The following DOCK5 variants were observed in gnomAD, a reference collection of about 807,000 sequenced individuals.
DOCK5 encodes the protein dedicator of cytokinesis 5, also known as dedicator of cytokinesis protein 5.
DOCK5 carries 142 observed loss-of-function variants against 251.8 expected under a neutral mutation model. The ratio of observed to expected loss-of-function variants is 0.56; its 90% CI spans 0.49 to 0.65. The LOEUF (loss-of-function observed/expected upper bound fraction) is 0.65. DOCK5 is among the 30% of genes least tolerant of loss of function. DOCK5 has a pLI of 0.00. For synonymous variants in DOCK5, 842 were observed against 835.5 expected (o/e 1.01, Z -0.13); for missense variants, 2,111 against 2,312.3 (o/e 0.91, Z 1.79).
chr8:25,388,927 G>A, intron 40 of DOCK5, 164 bp from the exon 41 acceptor site: 1 of 630,678 alleles, frequency 1.6e-6, no homozygotes, highest in East Asian at 2.8e-5. Context: ...GCTCTTGTAG[G>A]ATATGATGGT....
intron 1 of DOCK5, among the ~76,000 whole-genome samples, chr8:25,223,051 C>T (rs561269125): frequency 1.6e-4 from 24 of 152,182 alleles, no homozygotes; most frequent in African/African-American, 5.8e-4. Context: ...CAGTGGCTTA[C>T]CTAGGAGCCA....
At chr8:25,318,695 G>T (rs1224074360) in intron 14 of DOCK5, among the ~76,000 whole-genome samples, 1 of 147,920 alleles carries the variant, frequency 6.8e-6, no homozygotes, top group African/African-American at 2.5e-5. Context: ...CATCAAAGAG[G>T]ATAGGCAGGA....
intron 40 of DOCK5, among the ~76,000 whole-genome samples, chr8:25,387,921 A>C (rs1801192476): frequency 6.6e-6 from 1 of 152,162 alleles, no homozygotes; most frequent in Non-Finnish European, 1.5e-5. Context: ...CGTCTGCATC[A>C]TACAACTAGC....
chr8:25,203,032 C>T (rs1586225218), intron 1 of DOCK5, among the ~76,000 whole-genome samples: 3 of 152,186 alleles, frequency 2.0e-5, no homozygotes. Flanking sequence ...TGGCTGCTTT[C>T]CTTTTCTTTA....
At chr8:25,260,424 C>T (rs770428343) in intron 2 of DOCK5, among the ~76,000 whole-genome samples, 3 of 147,878 alleles carry the variant, frequency 2.0e-5, no homozygotes, top group Admixed American at 6.9e-5. Flanking sequence ...TATGTGTGTA[C>T]GTGGGGTAAA....
intron 18 of DOCK5, 135 bp downstream of exon 18, chr8:25,325,682 T>C (rs1459287246): frequency 3.8e-6 from 4 of 1,040,214 alleles, no homozygotes; most frequent in Admixed American, 5.9e-5. Context: ...GATTCTGCTC[T>C]CTGCTTTTCA....
At chr8:25,226,480 T>G (rs1802534834) in intron 1 of DOCK5, among the ~76,000 whole-genome samples, 1 of 151,976 alleles carries the variant, frequency 6.6e-6, no homozygotes, top group Non-Finnish European at 1.5e-5. Flanking sequence ...GCCAGGCTGG[T>G]CTCAAACTCC....
At chr8:25,399,422 A>G (rs1801399597) in intron 45 of DOCK5, among the ~76,000 whole-genome samples, 1 of 152,242 alleles carries the variant, frequency 6.6e-6, no homozygotes, top group Non-Finnish European at 1.5e-5. Context: ...AAGTGCAAAT[A>G]TTAACCTTCA....
intron 1 of DOCK5, among the ~76,000 whole-genome samples, chr8:25,233,794 A>G (rs1199561130): frequency 1.3e-5 from 2 of 152,158 alleles, no homozygotes; most frequent in Non-Finnish European, 2.9e-5. Flanking sequence ...TTATAAGTAC[A>G]TAGTAGGTGT....
At position 25,401,389 on chromosome 8, in the gene DOCK5, C is replaced by T. The variant is rs1435863179; in HGVS notation, c.4926+323C>T. Among the ~76,000 whole-genome samples, 9 of 152,066 alleles carry T rather than the reference C, an allele frequency of 5.9e-5. No individual in the cohort carries two copies. In the South Asian group the frequency reaches 8.3e-4, roughly 14 times the overall value. On this transcript the variant is annotated intron_variant, in intron 47 of 51. Coordinates refer to ENST00000276440, the MANE Select transcript of DOCK5 (RefSeq NM_024940.8). ...AGTAGTTGCAATTCTGAGAAGTTCC[C>T]GGGTGATATTGATGCTGCTGGTCTG...
chr8:25,372,753 C>T (rs1248681301), intron 35 of DOCK5, 35 bp downstream of exon 35: 1 of 1,584,814 alleles, frequency 6.3e-7, no homozygotes, highest in Non-Finnish European at 8.6e-7. Flanking sequence ...TGGGAGGGTA[C>T]TGTCAGGCCG....
Position 25,275,800 on chromosome 8 carries a change from C to T in DOCK5, c.224+359C>T, listed in dbSNP as rs191722987. ...GCAGTGAGCTGAGATCATACCACTA[C>T]ACTCTAACCTGGGTGACAGAGCAAG... On this transcript the variant is annotated intron_variant, in intron 4 of 51. Transcript: ENST00000276440. Among the ~76,000 whole-genome samples, 3 of 152,254 alleles carry T rather than the reference C, an allele frequency of 2.0e-5. No individual in the cohort carries two copies. The East Asian group carries it at 5.8e-4, about 29-fold the overall frequency.
intron 8 of DOCK5, chr8:25,299,370 G>C (rs1804699285): frequency 2.7e-6 from 1 of 364,892 alleles, no homozygotes; most frequent in Non-Finnish European, 4.9e-6. Flanking sequence ...ATTCAAAACA[G>C]TGTGTGGGAG....
chr8:25,366,961 T>A lies in DOCK5; in HGVS notation c.3215T>A (p.Ile1072Asn). 6.2e-7 allele frequency: 1 copy of A among 1,613,640 alleles called. No homozygotes were observed. Among genetic ancestry groups the A allele is most frequent in the South Asian group, 1.1e-5 (1 of 91,060 alleles). Residue 1072 changes from isoleucine to asparagine, a missense_variant, in exon 31 of 52, where the codon ATT (isoleucine) becomes AAT (asparagine). By Grantham distance (149) the Ile-to-Asn change is moderately radical (BLOSUM62 -3). This residue lies in a region of DOCK5 where 1,717 missense variants were observed against 1,892.4 expected (regional missense o/e 0.91). Transcript: ENST00000276440. Reference sequence around the variant, plus strand: ...TTCTCACAAGCCAAGCGCAACAAAATTGTTAAAAAGTAAGTGTCCTTTTAA... The same window carrying A: ...TTCTCACAAGCCAAGCGCAACAAAAATGTTAAAAAGTAAGTGTCCTTTTAA... ...ETFSQAKRNK[I>N]VKKYGDMRKE...
intron 21 of DOCK5, among the ~76,000 whole-genome samples, chr8:25,335,033 A>G (rs1805769121): frequency 6.6e-6 from 1 of 152,114 alleles, no homozygotes; most frequent in Non-Finnish European, 1.5e-5. Context: ...ACTGATGTCC[A>G]CTCCGCATTC....
chr8:25,250,820 G>A (rs769789667), intron 2 of DOCK5, among the ~76,000 whole-genome samples: 21 of 152,212 alleles, frequency 1.4e-4, no homozygotes, highest in Non-Finnish European at 1.9e-4. Context: ...GGAGGACAGC[G>A]ATGGAGAGGG....
At chr8:25,383,052 C>T (rs757347372) in intron 40 of DOCK5, among the ~76,000 whole-genome samples, 24 of 152,152 alleles carry the variant, frequency 1.6e-4, no homozygotes, top group Non-Finnish European at 2.8e-4. Context: ...TGCTACGGGT[C>T]ACGCCAGGGA....
At chr8:25,343,197 G>T (rs11783139) in intron 25 of DOCK5, among the ~76,000 whole-genome samples, 150,283 of 150,330 alleles carry the variant, frequency 1, 75,118 homozygotes, top group Middle Eastern at 1. Flanking sequence ...TTGGGAGAGG[G>T]GGGGTTTCAC....
Position 25,272,717 on chromosome 8 carries a change from A to G in DOCK5, c.169-2669A>G, listed in dbSNP as rs147913210. Among the ~76,000 whole-genome samples the G allele has an allele frequency of 2.6e-3, 392 of 152,242 alleles. 1 individual carries two copies. The highest frequency in any genetic ancestry group is 8.4e-3 in the African/African-American group (351 of 41,542). ...GTGGTAAAAATATATATAACATAAA[A>G]TTTACCATCTTAACCATTTGTAAGT... is the stretch of plus-strand genomic sequence containing the variant. On this transcript the variant is annotated intron_variant, in intron 3 of 51. Transcript: ENST00000276440.
Sources: gnomAD v4.1 joint callset for allele counts (sites outside exome capture counted in the v4.1 genomes callset) on GRCh38, gnomAD v4.1.1 for gene constraint, gnomAD v4.1.1 regional missense constraint, MANE v1.5 for transcripts, NCBI Gene and HGNC (gene_info 2026-07-23, HGNC 2026-07-21) for gene names.